The following IFT140 variants were observed in gnomAD, a reference collection of about 807,000 sequenced individuals.
The protein encoded by IFT140 is intraflagellar transport protein 140 homolog.
IFT140 carries 133 observed loss-of-function variants against 164.6 expected under a neutral mutation model. That is an observed-to-expected ratio of 0.81 (90% confidence interval 0.70 to 0.93). IFT140 has a LOEUF of 0.93. IFT140 is among the 40% of genes least tolerant of loss of function. The pLI is 0.00. For missense variants in IFT140, 2,045 were observed against 1,972.3 expected (o/e 1.04, Z -0.70); for synonymous variants, 860 against 817.3 (o/e 1.05, Z -0.89).
intron 13 of IFT140, among the ~76,000 whole-genome samples, chr16:1,572,450 T>G (rs2034070809): frequency 6.6e-6 from 1 of 152,006 alleles, no homozygotes; most frequent in Admixed American, 6.6e-5. Flanking sequence ...ATCGAGACCA[T>G]CCAGGCTAAC....
intron 12 of IFT140, among the ~76,000 whole-genome samples, chr16:1,581,261 C>T (rs1221371582): frequency 6.6e-6 from 1 of 152,150 alleles, no homozygotes; most frequent in Non-Finnish European, 1.5e-5. Flanking sequence ...GGTGCAAAAG[C>T]AGTTTTTGCC....
At chr16:1,526,561 G>A (rs915346454) in intron 20 of IFT140, 58 bp downstream of exon 20, 2 of 1,426,586 alleles carry the variant, frequency 1.4e-6, no homozygotes, top group East Asian at 2.5e-5. Flanking sequence ...TCCCCAGGGG[G>A]CCGTGGCTGT....
chr16:1,554,040 T>C lies in IFT140; in HGVS notation c.2399+3895A>G, dbSNP rs1039208299. 7 of 1,286,944 alleles carry C rather than the reference T, an allele frequency of 5.4e-6. 1 individual carries two copies. The highest frequency in any genetic ancestry group is 2.3e-5 in the Admixed American group (1 of 43,532). 79.7% of individuals were successfully genotyped at this position (1,286,944 alleles called of 1,614,324 possible). On this transcript the variant is annotated intron_variant, in intron 19 of 30. Coordinates refer to ENST00000426508, the MANE Select transcript of IFT140 (RefSeq NM_014714.4). Reference sequence around the variant, plus strand: ...CACCTCTCCTTCTCTGGTTTCAGGCTCTGGAAAGAGAGGGGAAAGCATGGA... The same window carrying C: ...CACCTCTCCTTCTCTGGTTTCAGGCCCTGGAAAGAGAGGGGAAAGCATGGA...
intron 3 of IFT140, among the ~76,000 whole-genome samples, chr16:1,605,121 G>C (rs1331914096): frequency 1.3e-5 from 2 of 152,150 alleles, no homozygotes; most frequent in Non-Finnish European, 2.9e-5. Context: ...GAAATGGAGA[G>C]GAGCCCTGAC....
chr16:1,587,782 C>T (rs1449559663), intron 8 of IFT140, 151 bp downstream of exon 8: 1 of 631,328 alleles, frequency 1.6e-6, no homozygotes, highest in East Asian at 2.8e-5. Flanking sequence ...GCTCCTCAGT[C>T]TGGGAGCTGG....
intron 4 of IFT140, among the ~76,000 whole-genome samples, chr16:1,597,745 G>T (rs1033853096): frequency 6.6e-6 from 1 of 152,104 alleles, no homozygotes; most frequent in Non-Finnish European, 1.5e-5. Flanking sequence ...CTGATACCTG[G>T]GTTTCATTTT....
chr16:1,607,327 A>G, intron 2 of IFT140, 30 bp from the exon 3 acceptor site: 1 of 1,542,400 alleles, frequency 6.5e-7, no homozygotes, highest in Non-Finnish European at 8.8e-7. Context: ...ACCAAGTCCA[A>G]TCAGTTTTAA....
At chr16:1,611,221 C>T (rs1277551412) in intron 1 of IFT140, among the ~76,000 whole-genome samples, 2 of 152,222 alleles carry the variant, frequency 1.3e-5, no homozygotes, top group African/African-American at 2.4e-5. Context: ...AAGAAAGCAG[C>T]TGGCGGCCGG....
At position 1,553,757 on chromosome 16, in the gene IFT140, G is replaced by A. The variant is rs1000549905; in HGVS notation, c.2399+4178C>T. On this transcript the variant is annotated intron_variant, in intron 19 of 30. Transcript: ENST00000426508. The surrounding 1 kb of genome is among the most constrained non-coding windows in gnomAD (Gnocchi z 4.4). ...CCCATGGCTGTAGGGGATGAGGAGGGGCAGGGCCATGTGGACAGCCTCTCC... is the reference window on the plus strand; with the variant it reads ...CCCATGGCTGTAGGGGATGAGGAGGAGCAGGGCCATGTGGACAGCCTCTCC... The A allele has an allele frequency of 1.7e-6, 2 of 1,171,238 alleles. No homozygotes were observed. The highest frequency in any genetic ancestry group is 3.2e-5 in the African/African-American group (2 of 62,330). 72.6% of individuals were successfully genotyped at this position (1,171,238 alleles called of 1,614,324 possible). A position where few individuals can be genotyped will look rare whatever the true frequency, so the allele number is the denominator to read the frequency against.
At chr16:1,582,631 C>T (rs2034632914) in intron 12 of IFT140, among the ~76,000 whole-genome samples, 1 of 152,248 alleles carries the variant, frequency 6.6e-6, no homozygotes, top group African/African-American at 2.4e-5. Context: ...AGGCCGGGCG[C>T]GGAGGCGCAC....
chr16:1,597,426 C>T (rs765510837), intron 4 of IFT140, among the ~76,000 whole-genome samples: 12 of 152,162 alleles, frequency 7.9e-5, no homozygotes, highest in African/African-American at 2.2e-4. Context: ...CTAACCTGGC[C>T]GTGCTCTCCT....
intron 19 of IFT140, among the ~76,000 whole-genome samples, chr16:1,527,583 G>A (rs1411469143): frequency 6.6e-6 from 1 of 152,146 alleles, no homozygotes; most frequent in Non-Finnish European, 1.5e-5. Context: ...GGGTTTTTTT[G>A]TTGTGTAAGA....
At chr16:1,514,537 C>G (rs1028137679) in intron 30 of IFT140, 2 of 152,290 alleles carry the variant, frequency 1.3e-5, no homozygotes, top group African/African-American at 2.4e-5. Flanking sequence ...AGGGGAGGTG[C>G]AGACTTTAAG....
intron 19 of IFT140, among the ~76,000 whole-genome samples, chr16:1,529,470 G>A (rs370879011): frequency 2.0e-5 from 3 of 152,240 alleles, no homozygotes; most frequent in Non-Finnish European, 2.9e-5. Flanking sequence ...AGGTGACACC[G>A]GGTGCATGGG....
chr16:1,573,388 A>G (rs567952622), intron 13 of IFT140, among the ~76,000 whole-genome samples: 15 of 152,148 alleles, frequency 9.9e-5, no homozygotes, highest in Admixed American at 2.0e-4. Flanking sequence ...ACTCTTTTAC[A>G]TTCTTTAACA....
rs151322792 is a variant in IFT140, at chr16:1,600,954, G to A, written c.369+1416C>T. Among the ~76,000 whole-genome samples the A allele has an allele frequency of 6.4e-4, 97 of 151,912 alleles. No individual in the cohort carries two copies. The Middle Eastern group carries it at 0.014, about 22-fold the overall frequency. On this transcript the variant is annotated intron_variant, in intron 4 of 30. Coordinates refer to ENST00000426508, the MANE Select transcript of IFT140 (RefSeq NM_014714.4). The stretch of plus-strand genomic sequence containing the variant: ...AGGCAACTAACCAACCAACTGACCA[G>A]GGAATTGTTCTTGATTAAAAAAAAC...
intron 14 of IFT140, among the ~76,000 whole-genome samples, chr16:1,569,640 T>C (rs1250393569): frequency 6.6e-6 from 1 of 151,146 alleles, no homozygotes; most frequent in Non-Finnish European, 1.5e-5. Flanking sequence ...GCCCAGGCTG[T>C]AGTGCAGTGG....
chr16:1,560,393 G>A (rs2033340585), intron 18 of IFT140, among the ~76,000 whole-genome samples: 1 of 152,228 alleles, frequency 6.6e-6, no homozygotes, highest in Non-Finnish European at 1.5e-5. Flanking sequence ...TTGTGTGAAT[G>A]CTGTTAATTC....
chr16:1,580,554 G>A (rs574541891), intron 13 of IFT140: 26 of 469,512 alleles, frequency 5.5e-5, no homozygotes, highest in African/African-American at 4.0e-4. Flanking sequence ...TGAGGCCTCC[G>A]CAGTCATGCT....
Sources: allele counts gnomAD v4.1 joint callset (sites outside exome capture counted in the v4.1 genomes callset), GRCh38; gene constraint gnomAD v4.1.1; non-coding constraint Gnocchi (gnomAD v3.1); transcripts MANE v1.5; gene names NCBI Gene and HGNC (gene_info 2026-07-23, HGNC 2026-07-21).